CFAP299: variants seen among roughly 807,000 people sequenced by gnomAD.
The protein encoded by CFAP299 is cilia- and flagella-associated protein 299.
In CFAP299, 21 loss-of-function variants were observed where a neutral mutation model predicts 27.0. That is an observed-to-expected ratio of 0.78 (90% confidence interval 0.55 to 1.12). The LOEUF is 1.12. Among genes scored for constraint, CFAP299 ranks in the 50% most tolerant of loss-of-function variants. CFAP299 has a pLI of 0.00. For missense variants in CFAP299, 310 were observed against 276.6 expected, an observed-to-expected ratio of 1.12 and a Z score of -0.86; for synonymous variants, 104 against 98.1, an observed-to-expected ratio of 1.06 and a Z score of -0.36.
chr4:80,577,351 C>T (rs1165929622), intron 2 of CFAP299, among the ~76,000 whole-genome samples: 1 of 151,472 alleles, frequency 6.6e-6, no homozygotes, highest in Non-Finnish European at 1.5e-5. Context: ...TACATTTAAT[C>T]CCAGATTTGA....
rs35802332 is a variant in CFAP299 at position 80,738,662 on chromosome 4, C to CT, written c.334-131319dup. On this transcript the variant is annotated intron_variant, in intron 3 of 5. Coordinates refer to ENST00000358105, the MANE Select transcript of CFAP299 (RefSeq NM_152770.3). ...TCTTGTAGGCAGCAAATCATTGGGT[C>CT]TTTTTTTTTTTTAACCCTTTCAACC... Among the ~76,000 whole-genome samples, 903 of 141,710 alleles carry CT rather than the reference C, an allele frequency of 6.4e-3. 8 individuals are homozygous for CT. The highest frequency in any genetic ancestry group is 0.016 in the African/African-American group (610 of 38,388). 93.0% of individuals were successfully genotyped at this position (141,710 alleles called of 152,430 possible). A position where few individuals can be genotyped will look rare whatever the true frequency, so the allele number is the denominator to read the frequency against.
intron 3 of CFAP299, among the ~76,000 whole-genome samples, chr4:80,622,146 G>A (rs1375645851): frequency 6.6e-6 from 1 of 152,052 alleles, no homozygotes; most frequent in Non-Finnish European, 1.5e-5. Flanking sequence ...GCAAAAATAA[G>A]CCATTATTTT....
intron 2 of CFAP299, among the ~76,000 whole-genome samples, chr4:80,468,295 C>T (rs949708391): frequency 1.3e-5 from 2 of 151,378 alleles, no homozygotes; most frequent in Non-Finnish European, 1.5e-5. Context: ...CTGACCTCGG[C>T]TCACTGCAAC....
At position 80,384,004 on chromosome 4, in the gene CFAP299, AAT is replaced by A. The variant is rs1319257688; in HGVS notation, c.242+21124_242+21125del. ...TAGAAGATCTTAGCAAGGTTTCTAT[AAT>A]ATAGTTAGTTACAAGGCTCAAGACA... On this transcript the variant is annotated intron_variant, in intron 2 of 5. Transcript: ENST00000358105. 3.3e-5 allele frequency among the ~76,000 whole-genome samples: 5 copies of A among 152,270 alleles called. No individual in the cohort carries two copies. In the East Asian group the frequency reaches 9.6e-4, roughly 29 times the overall value.
At chr4:80,699,252 G>T (rs1046385992) in intron 3 of CFAP299, among the ~76,000 whole-genome samples, 2 of 152,136 alleles carry the variant, frequency 1.3e-5, no homozygotes, top group African/African-American at 4.8e-5. Context: ...CTGTTTCAAA[G>T]GTTCTGCACT....
At chr4:80,606,746 C>A (rs925893932) in intron 3 of CFAP299, among the ~76,000 whole-genome samples, 1 of 152,054 alleles carries the variant, frequency 6.6e-6, no homozygotes, top group East Asian at 1.9e-4. Flanking sequence ...AAATGTGCTT[C>A]AGTCTTTTTA....
At chr4:80,453,848 A>G (rs1729015523) in intron 2 of CFAP299, among the ~76,000 whole-genome samples, 1 of 97,210 alleles carries the variant, frequency 1.0e-5, no homozygotes. Context: ...CTCAAATAAT[A>G]ATAATAATAA....
At chr4:80,517,888 G>A (rs1006721986) in intron 2 of CFAP299, among the ~76,000 whole-genome samples, 1 of 152,220 alleles carries the variant, frequency 6.6e-6, no homozygotes, top group African/African-American at 2.4e-5. Context: ...ATAAAGTGGA[G>A]ACACAGGTAG....
chr4:80,520,911 G>A (rs1172315458), intron 2 of CFAP299, among the ~76,000 whole-genome samples: 1 of 152,090 alleles, frequency 6.6e-6, no homozygotes, highest in Non-Finnish European at 1.5e-5. Context: ...ATAAAAAATA[G>A]AGATCAAATG....
chr4:80,512,085 T>C (rs543100071), intron 2 of CFAP299, among the ~76,000 whole-genome samples: 2 of 152,316 alleles, frequency 1.3e-5, no homozygotes, highest in African/African-American at 4.8e-5. Flanking sequence ...TTCAACTCTT[T>C]CAGCACTTTT....
chr4:80,450,997 G>A (rs974867049), intron 2 of CFAP299, among the ~76,000 whole-genome samples: 1 of 151,898 alleles, frequency 6.6e-6, no homozygotes, highest in Non-Finnish European at 1.5e-5. Flanking sequence ...CAGCCATCCA[G>A]CCTATGATCA....
intron 2 of CFAP299, among the ~76,000 whole-genome samples, chr4:80,452,486 G>A (rs1728950268): frequency 6.6e-6 from 1 of 152,080 alleles, no homozygotes; most frequent in Non-Finnish European, 1.5e-5. Flanking sequence ...TGGGTATCCT[G>A]TATAGAACTA....
intron 2 of CFAP299, among the ~76,000 whole-genome samples, chr4:80,488,959 A>C (rs1424100329): frequency 6.6e-6 from 1 of 152,202 alleles, no homozygotes; most frequent in Non-Finnish European, 1.5e-5. Flanking sequence ...GCTTCTGTAC[A>C]CAAGATCTTC....
chr4:80,381,740 C>T (rs1560538680), intron 2 of CFAP299, among the ~76,000 whole-genome samples: 2 of 152,124 alleles, frequency 1.3e-5, no homozygotes, highest in African/African-American at 2.4e-5. Flanking sequence ...TCTTGTAAAT[C>T]GCTAATCCAG....
At chr4:80,628,261 G>A (rs1739018282) in intron 3 of CFAP299, among the ~76,000 whole-genome samples, 1 of 151,982 alleles carries the variant, frequency 6.6e-6, no homozygotes, top group African/African-American at 2.4e-5. Context: ...AAATGCTTTT[G>A]GGAAAACAGG....
intron 2 of CFAP299, among the ~76,000 whole-genome samples, chr4:80,382,688 G>A (rs1202226737): frequency 1.3e-5 from 2 of 151,956 alleles, no homozygotes; most frequent in Admixed American, 6.6e-5. Context: ...AAAATAACAG[G>A]GTGTGGAGAA....
chr4:80,597,162 T>C (rs1431296019), intron 3 of CFAP299, among the ~76,000 whole-genome samples: 1 of 152,176 alleles, frequency 6.6e-6, no homozygotes, highest in Non-Finnish European at 1.5e-5. Context: ...TTTTCCAAAG[T>C]GATTGGGCCG....
At chr4:80,928,840 A>G (rs1736434044) in intron 4 of CFAP299, among the ~76,000 whole-genome samples, 1 of 152,084 alleles carries the variant, frequency 6.6e-6, no homozygotes, top group African/African-American at 2.4e-5. Flanking sequence ...GCATTTGACA[A>G]TGGGTATCTT....
chr4:80,608,406 T>C, intron 3 of CFAP299: 1 of 1,481,698 alleles, frequency 6.7e-7, no homozygotes, highest in East Asian at 2.5e-5. Context: ...TATGGAAAAG[T>C]TTCCTTTACA....
Sources: gnomAD v4.1 joint callset for allele counts (sites outside exome capture counted in the v4.1 genomes callset) on GRCh38, gnomAD v4.1.1 for gene constraint, MANE v1.5 for transcripts, NCBI Gene and HGNC (gene_info 2026-07-23, HGNC 2026-07-21) for gene names.